Variants in PPP3CA observed in about 807,000 individuals in gnomAD.
PPP3CA encodes the protein CAM-PRP catalytic subunit.
PPP3CA carries 14 observed loss-of-function variants against 66.5 expected under a neutral mutation model. The observed-to-expected ratio is 0.21, with a 90% CI of 0.14 to 0.33. PPP3CA has a LOEUF of 0.33. PPP3CA is among the 10% of genes least tolerant of loss of function. The pLI is 1.00. For missense variants in PPP3CA, 317 were observed against 639.5 expected (o/e 0.50, Z 5.44); for synonymous variants, 232 against 226.2 (o/e 1.03, Z -0.23).
intron 2 of PPP3CA, among the ~76,000 whole-genome samples, chr4:101,127,035 T>A (rs1483620747): frequency 1.3e-5 from 2 of 152,182 alleles, no homozygotes; most frequent in African/African-American, 4.8e-5. Flanking sequence ...AAGTCCAAAT[T>A]CTGCCCCTTA....
chr4:101,272,325 T>C (rs1455316766), intron 1 of PPP3CA, among the ~76,000 whole-genome samples: 1 of 152,210 alleles, frequency 6.6e-6, no homozygotes, highest in Non-Finnish European at 1.5e-5. Context: ...GAATTATAAA[T>C]AATTATAAGA....
intron 1 of PPP3CA, among the ~76,000 whole-genome samples, chr4:101,238,420 A>G (rs530876040): frequency 3.3e-5 from 5 of 152,130 alleles, no homozygotes; most frequent in South Asian, 2.1e-4. Flanking sequence ...AATTAATATA[A>G]GAATTTAAAT....
At chr4:101,049,446 A>C (rs1470529696) in intron 10 of PPP3CA, among the ~76,000 whole-genome samples, 1 of 152,136 alleles carries the variant, frequency 6.6e-6, no homozygotes, top group Non-Finnish European at 1.5e-5. Context: ...AAACACATCA[A>C]TTTTATAAAG....
intron 1 of PPP3CA, among the ~76,000 whole-genome samples, chr4:101,258,547 T>C (rs758155065): frequency 3.3e-5 from 5 of 152,154 alleles, no homozygotes; most frequent in African/African-American, 4.8e-5. Flanking sequence ...TCTGCTTTGA[T>C]AAGAAATGTG....
At chr4:101,124,808 G>A (rs1323413632) in intron 2 of PPP3CA, among the ~76,000 whole-genome samples, 1 of 145,084 alleles carries the variant, frequency 6.9e-6, no homozygotes, top group Non-Finnish European at 1.5e-5. Context: ...AGAGAAAACT[G>A]TATTGGTGTT....
chr4:101,180,140 C>T (rs991658763), intron 2 of PPP3CA, among the ~76,000 whole-genome samples: 5 of 152,090 alleles, frequency 3.3e-5, no homozygotes, highest in Admixed American at 2.0e-4. Context: ...TGGGGACCTT[C>T]GAGGCATAGT....
intron 2 of PPP3CA, among the ~76,000 whole-genome samples, chr4:101,179,214 T>C (rs2850982): frequency 0.15 from 23,301 of 151,940 alleles, 2,310 homozygotes; most frequent in East Asian, 0.29. Flanking sequence ...AAGTGTAATA[T>C]TGGTTCCTAG....
At chr4:101,245,863 A>G (rs1726460337) in intron 1 of PPP3CA, among the ~76,000 whole-genome samples, 1 of 152,076 alleles carries the variant, frequency 6.6e-6, no homozygotes, top group Admixed American at 6.5e-5. Flanking sequence ...ACATTAAAGA[A>G]GTAATTTTGG....
At chr4:101,273,800 G>T (rs757363135) in intron 1 of PPP3CA, among the ~76,000 whole-genome samples, 3 of 151,996 alleles carry the variant, frequency 2.0e-5, no homozygotes, top group African/African-American at 7.3e-5. Context: ...GGCCAAGAGT[G>T]ACACCTCCTC....
intron 1 of PPP3CA, among the ~76,000 whole-genome samples, chr4:101,276,115 G>A (rs1157638101): frequency 2.6e-5 from 4 of 151,902 alleles, no homozygotes; most frequent in South Asian, 2.1e-4. Flanking sequence ...GGCTGGTCCC[G>A]AACTCCTGGC....
At chr4:101,342,334 T>C (rs1729843410) in intron 1 of PPP3CA, among the ~76,000 whole-genome samples, 1 of 152,174 alleles carries the variant, frequency 6.6e-6, no homozygotes, top group Non-Finnish European at 1.5e-5. Flanking sequence ...GGAATTCCCC[T>C]GAATCCCAGT....
At chr4:101,195,776 A>C in intron 2 of PPP3CA, 140 bp downstream of exon 2, 1 of 653,648 alleles carries the variant, frequency 1.5e-6, no homozygotes, top group Non-Finnish European at 2.6e-6. Flanking sequence ...TATACTTACT[A>C]CTCTAATGTA....
intron 1 of PPP3CA, among the ~76,000 whole-genome samples, chr4:101,335,170 G>T (rs533776041): frequency 1.3e-5 from 2 of 152,106 alleles, no homozygotes; most frequent in Non-Finnish European, 2.9e-5. Context: ...ACACTGTGTT[G>T]ACACCATAGT....
intron 8 of PPP3CA, among the ~76,000 whole-genome samples, 192 bp downstream of exon 8, chr4:101,080,340 C>G (rs945453238): frequency 2.6e-5 from 4 of 151,912 alleles, no homozygotes; most frequent in African/African-American, 9.7e-5. Context: ...ATTAATAGTG[C>G]ATAAGCCCAA....
chr4:101,041,403 T>C (rs1228503664), intron 10 of PPP3CA, among the ~76,000 whole-genome samples: 1 of 151,146 alleles, frequency 6.6e-6, no homozygotes, highest in Non-Finnish European at 1.5e-5. Context: ...TTGGAAGAAG[T>C]ATAAAACAGA....
intron 2 of PPP3CA, among the ~76,000 whole-genome samples, chr4:101,134,962 C>T (rs945413060): frequency 6.6e-6 from 1 of 151,990 alleles, no homozygotes; most frequent in African/African-American, 2.4e-5. Flanking sequence ...AGCAAAATAA[C>T]ACAGGAACAG....
At chr4:101,231,916 T>C (rs1011433147) in intron 1 of PPP3CA, among the ~76,000 whole-genome samples, 1 of 151,648 alleles carries the variant, frequency 6.6e-6, no homozygotes, top group African/African-American at 2.4e-5. Flanking sequence ...TCATAAGTAT[T>C]CATTCTCATT....
chr4:101,169,001 T>C (rs1037029807), intron 2 of PPP3CA, among the ~76,000 whole-genome samples: 3 of 152,222 alleles, frequency 2.0e-5, no homozygotes, highest in Non-Finnish European at 4.4e-5. Flanking sequence ...CAATAATATG[T>C]ACTGAATGAA....
chr4:101,073,279 C>CTT (rs749407027), intron 8 of PPP3CA, among the ~76,000 whole-genome samples: 5 of 134,842 alleles, frequency 3.7e-5, no homozygotes, highest in Admixed American at 7.5e-5. Flanking sequence ...CACTTACATA[C>CTT]TTTTTTTTTT....
Sources: gnomAD v4.1 joint callset for allele counts (sites outside exome capture counted in the v4.1 genomes callset) on GRCh38, gnomAD v4.1.1 for gene constraint, MANE v1.5 for transcripts, NCBI Gene and HGNC (gene_info 2026-07-23, HGNC 2026-07-21) for gene names.